The following AIMP2 variants were observed in gnomAD, a reference collection of about 807,000 sequenced individuals.
The protein encoded by AIMP2 is aminoacyl tRNA synthase complex-interacting multifunctional protein 2.
In AIMP2, 20 loss-of-function variants were observed where a neutral mutation model predicts 23.4. That is an observed-to-expected ratio of 0.85 (90% CI 0.60 to 1.24). The LOEUF (loss-of-function observed/expected upper bound fraction) is 1.24. Among genes scored for constraint, AIMP2 ranks in the 50% most tolerant of loss-of-function variants. AIMP2 has a pLI of 0.00. For synonymous variants in AIMP2, 210 were observed against 170.4 expected, an observed-to-expected ratio of 1.23 and a Z score of -1.81; for missense variants, 515 against 414.5, an observed-to-expected ratio of 1.24 and a Z score of -2.10.
At chr7:6,009,769 G>A (rs191847792) in intron 1 of AIMP2, among the ~76,000 whole-genome samples, 3,783 of 150,580 alleles carry the variant, frequency 0.025, 141 homozygotes, top group African/African-American at 0.086. Flanking sequence ...TGGCCAACAT[G>A]GTAAAACCTC....
rs200210288 is a variant in AIMP2, at chr7:6,018,152, T to TC, written c.574+107_574+108insC. On this transcript the variant is annotated intron_variant, in intron 3 of 3. Transcript: ENST00000223029. ...TGTGGATTTTTTTCTTTTTCTTTTTTTTTTTTTTTTTTGAGACAGAGTCTC... is the reference window on the plus strand; with the variant it reads ...TGTGGATTTTTTTCTTTTTCTTTTTTCTTTTTTTTTTTTGAGACAGAGTCTC... 4,380 of 891,900 alleles carry TC rather than the reference T, an allele frequency of 4.9e-3. 109 individuals are homozygous for TC. The African/African-American group carries it at 0.07, about 14-fold the overall frequency. The allele number at this position is 891,900 out of a possible 1,614,324, so 55.2% of individuals were successfully genotyped here. A position where few individuals can be genotyped will look rare whatever the true frequency, so the allele number is the denominator to read the frequency against.
At chr7:6,016,540 C>G (rs1169716169) in intron 2 of AIMP2, among the ~76,000 whole-genome samples, 2 of 152,132 alleles carry the variant, frequency 1.3e-5, no homozygotes, top group African/African-American at 4.8e-5. Flanking sequence ...ACCAGGCCCT[C>G]AGGGAGCCGG....
chr7:6,018,380 C>T (rs1787166321), intron 3 of AIMP2, among the ~76,000 whole-genome samples: 1 of 150,650 alleles, frequency 6.6e-6, no homozygotes, highest in African/African-American at 2.4e-5. Flanking sequence ...AAACTCCTGA[C>T]CTCATGATCC....
intron 2 of AIMP2, chr7:6,017,137 TCTTA>T (rs1787074693): frequency 1.3e-5 from 2 of 152,186 alleles, no homozygotes; most frequent in African/African-American, 4.8e-5. Context: ...CATGGAAACA[TCTTA>T]ATGAACACAA....
chr7:6,009,972 A>C lies in AIMP2; in HGVS notation c.135+474A>C, dbSNP rs868378964. Among the ~76,000 whole-genome samples, 17 of 32,678 alleles carry C rather than the reference A, an allele frequency of 5.2e-4. 1 individual carries two copies. In the South Asian group the frequency reaches 0.022, roughly 42 times the overall value. The allele number at this position is 32,678 out of a possible 152,430, so 21.4% of individuals were successfully genotyped here. A position where few individuals can be genotyped will look rare whatever the true frequency, so the allele number is the denominator to read the frequency against. ...CTCAAAAAAAAAAAAAAAAAAAAAA[A>C]AAATATATATATATATATATGTATG... On this transcript the variant is annotated intron_variant, in intron 1 of 3. Coordinates refer to ENST00000223029, the MANE Select transcript of AIMP2 (RefSeq NM_006303.4).
intron 3 of AIMP2, among the ~76,000 whole-genome samples, chr7:6,022,085 T>G (rs970473483): frequency 6.6e-6 from 1 of 152,114 alleles, no homozygotes. Context: ...ATTATCATTT[T>G]CTTTTAAAGA....
At chr7:6,023,195 C>G (rs1787559570) in intron 3 of AIMP2, 108 bp from the exon 4 acceptor site, 15 of 1,298,646 alleles carry the variant, frequency 1.2e-5, no homozygotes, top group Non-Finnish European at 1.3e-5. Flanking sequence ...AACACCCTTT[C>G]CCATGTCATC....
At chr7:6,018,157 T>C (rs1456931054) in intron 3 of AIMP2, 112 bp downstream of exon 3, 6 of 945,166 alleles carry the variant, frequency 6.3e-6, no homozygotes, top group Non-Finnish European at 9.2e-6. Flanking sequence ...TTTTTTTTTT[T>C]TTTTTTTGAG....
chr7:6,017,719 G>A (rs922340012), intron 2 of AIMP2, 95 bp from the exon 3 acceptor site: 25 of 1,083,658 alleles, frequency 2.3e-5, no homozygotes, highest in Non-Finnish European at 2.9e-5. Context: ...TGGCGGAGTC[G>A]GTTAGATAAC....
chr7:6,009,974 A>AAAATATACATATAT, intron 1 of AIMP2, among the ~76,000 whole-genome samples: 1 of 26,662 alleles, frequency 3.8e-5, no homozygotes, highest in Non-Finnish European at 6.8e-5. Flanking sequence ...AAAAAAAAAA[A>AAAATATACATATAT]ATATATATAT....
At chr7:6,021,047 C>G (rs1043858706) in intron 3 of AIMP2, among the ~76,000 whole-genome samples, 1 of 152,134 alleles carries the variant, frequency 6.6e-6, no homozygotes, top group African/African-American at 2.4e-5. Context: ...TGTACCTTGC[C>G]AGTAAGGTAC....
intron 3 of AIMP2, 95 bp from the exon 4 acceptor site, chr7:6,023,208 T>G: frequency 1.5e-6 from 2 of 1,369,242 alleles, no homozygotes; most frequent in South Asian, 1.4e-5. Flanking sequence ...ATGTCATCAG[T>G]CTGTGGTGTT....
intron 2 of AIMP2, 79 bp from the exon 3 acceptor site, chr7:6,017,735 T>G: frequency 1.8e-5 from 23 of 1,279,398 alleles, no homozygotes; most frequent in East Asian, 2.5e-5. Flanking sequence ...ATAACCCTGG[T>G]TAGGTTCTTA....
intron 1 of AIMP2, among the ~76,000 whole-genome samples, chr7:6,013,420 C>T (rs1786821514): frequency 7.7e-6 from 1 of 130,326 alleles, no homozygotes; most frequent in Non-Finnish European, 1.8e-5. Context: ...CACACCACAC[C>T]TGGCTAATTT....
intron 1 of AIMP2, among the ~76,000 whole-genome samples, chr7:6,009,974 A>AAAAAATATATATATATATATATAT: frequency 3.7e-5 from 1 of 26,672 alleles, no homozygotes; most frequent in African/African-American, 1.4e-4. Context: ...AAAAAAAAAA[A>AAAAAATATATATATATATATATAT]ATATATATAT....
At chr7:6,017,484 C>G (rs1312101918) in intron 2 of AIMP2, among the ~76,000 whole-genome samples, 3 of 149,756 alleles carry the variant, frequency 2.0e-5, no homozygotes, top group Non-Finnish European at 3.0e-5. Flanking sequence ...AGATCATCCA[C>G]TGTACTCCAG....
At chr7:6,013,125 G>A (rs1786795705) in intron 1 of AIMP2, 1 of 304,780 alleles carries the variant, frequency 3.3e-6, no homozygotes, top group Non-Finnish European at 4.8e-6. Context: ...ACAGGCAAAG[G>A]ACGAAATTGG....
chr7:6,014,291 T>C (rs1299958798), intron 1 of AIMP2, among the ~76,000 whole-genome samples: 1 of 134,054 alleles, frequency 7.5e-6, no homozygotes, highest in East Asian at 2.5e-4. Context: ...GGTGTCTTGC[T>C]CTGTCGCCCA....
At chr7:6,020,611 G>A (rs1205084133) in intron 3 of AIMP2, among the ~76,000 whole-genome samples, 1 of 152,164 alleles carries the variant, frequency 6.6e-6, no homozygotes, top group African/African-American at 2.4e-5. Context: ...TTAGGAAGAG[G>A]TTTGGCTTTT....
Sources: gnomAD v4.1 joint callset for allele counts (sites outside exome capture counted in the v4.1 genomes callset) on GRCh38, gnomAD v4.1.1 for gene constraint, MANE v1.5 for transcripts, NCBI Gene and HGNC (gene_info 2026-07-23, HGNC 2026-07-21) for gene names.